EXOC6B: variants seen among roughly 807,000 people sequenced by gnomAD.
EXOC6B encodes exocyst complex component 6B.
EXOC6B carries 54 observed loss-of-function variants against 113.5 expected under a neutral mutation model. The ratio of observed to expected loss-of-function variants is 0.48; its 90% CI spans 0.38 to 0.60. The LOEUF (loss-of-function observed/expected upper bound fraction) is 0.60, where lower values mean the gene tolerates loss of function less well. Among genes scored for constraint, EXOC6B ranks in the 20% least tolerant of loss-of-function variants. The pLI is 0.00. For synonymous variants in EXOC6B, 357 were observed against 339.0 expected (o/e 1.05, Z -0.58); for missense variants, 797 against 977.5 (o/e 0.82, Z 2.46).
chr2:72,783,187 T>G (rs967563383), intron 1 of EXOC6B, among the ~76,000 whole-genome samples: 2 of 76,978 alleles, frequency 2.6e-5, no homozygotes, highest in Non-Finnish European at 4.7e-5. Flanking sequence ...TTTGTTGGGG[T>G]TTTTTTTTTT....
intron 20 of EXOC6B, among the ~76,000 whole-genome samples, chr2:72,221,036 T>C (rs538093475): frequency 2.0e-5 from 3 of 152,328 alleles, no homozygotes; most frequent in South Asian, 4.1e-4. Flanking sequence ...CTGTAAACCA[T>C]AGTCACTCTA....
chr2:72,477,313 C>T (rs1481148541), intron 17 of EXOC6B, among the ~76,000 whole-genome samples: 1 of 152,188 alleles, frequency 6.6e-6, no homozygotes, highest in Non-Finnish European at 1.5e-5. Context: ...TCTCAGTAAA[C>T]AGTATTCATC....
chr2:72,224,165 T>C (rs1370630268), intron 20 of EXOC6B, among the ~76,000 whole-genome samples: 1 of 152,104 alleles, frequency 6.6e-6, no homozygotes, highest in Non-Finnish European at 1.5e-5. Context: ...ATCAGGGAAA[T>C]AGGCAACAAA....
At chr2:72,707,714 T>C (rs1558937197) in intron 6 of EXOC6B, among the ~76,000 whole-genome samples, 3 of 152,070 alleles carry the variant, frequency 2.0e-5, no homozygotes, top group African/African-American at 7.2e-5. Flanking sequence ...ACCCAGCCTA[T>C]TTTTCATTTT....
chr2:72,644,013 T>C (rs893714623), intron 6 of EXOC6B, among the ~76,000 whole-genome samples: 1 of 152,012 alleles, frequency 6.6e-6, no homozygotes, highest in African/African-American at 2.4e-5. Flanking sequence ...TAAAGAAGGA[T>C]GTTCAAACCC....
chr2:72,568,136 T>C (rs1283769667), intron 7 of EXOC6B, among the ~76,000 whole-genome samples: 2 of 151,986 alleles, frequency 1.3e-5, no homozygotes, highest in Non-Finnish European at 2.9e-5. Context: ...TAATATTACC[T>C]TTGTAATATT....
chr2:72,261,682 G>A (rs1019332161), intron 20 of EXOC6B, among the ~76,000 whole-genome samples: 12 of 152,040 alleles, frequency 7.9e-5, no homozygotes, highest in Non-Finnish European at 1.3e-4. Flanking sequence ...AGTTAGCAAC[G>A]CAAAAGTAAG....
At chr2:72,774,177 A>G (rs1465790428) in intron 1 of EXOC6B, among the ~76,000 whole-genome samples, 1 of 152,226 alleles carries the variant, frequency 6.6e-6, no homozygotes, top group Non-Finnish European at 1.5e-5. Flanking sequence ...ATTATCACCC[A>G]GTCTTACAAG....
chr2:72,364,855 T>C (rs546152553), intron 19 of EXOC6B, among the ~76,000 whole-genome samples: 2 of 152,262 alleles, frequency 1.3e-5, no homozygotes, highest in African/African-American at 2.4e-5. Context: ...ACCAGTGGTA[T>C]TGGTTGATTG....
At chr2:72,268,579 TG>T (rs1261649088) in intron 20 of EXOC6B, among the ~76,000 whole-genome samples, 2 of 152,190 alleles carry the variant, frequency 1.3e-5, no homozygotes, top group African/African-American at 4.8e-5. Flanking sequence ...TGATATCGTT[TG>T]GATGTGTATC....
At chr2:72,618,527 C>T (rs943847975) in intron 6 of EXOC6B, among the ~76,000 whole-genome samples, 3 of 152,124 alleles carry the variant, frequency 2.0e-5, no homozygotes, top group Non-Finnish European at 4.4e-5. Flanking sequence ...CCCAAGATTT[C>T]CCTTCTTGAG....
chr2:72,361,525 G>A (rs917059188), intron 19 of EXOC6B, among the ~76,000 whole-genome samples: 5 of 152,304 alleles, frequency 3.3e-5, no homozygotes, highest in Non-Finnish European at 5.9e-5. Context: ...ACCAAAGGTG[G>A]ATAATTAATT....
intron 6 of EXOC6B, among the ~76,000 whole-genome samples, chr2:72,705,157 T>G (rs1452668906): frequency 6.6e-6 from 1 of 151,858 alleles, no homozygotes; most frequent in Non-Finnish European, 1.5e-5. Context: ...ATCCCTGGGA[T>G]GCAAGGCTGG....
chr2:72,277,954 T>C (rs1012290640), intron 20 of EXOC6B, among the ~76,000 whole-genome samples: 2 of 152,150 alleles, frequency 1.3e-5, no homozygotes, highest in Non-Finnish European at 2.9e-5. Flanking sequence ...GCAATATATA[T>C]GTATGAAATA....
intron 15 of EXOC6B, among the ~76,000 whole-genome samples, chr2:72,493,344 C>T (rs1699860204): frequency 1.6e-5 from 2 of 128,474 alleles, no homozygotes; most frequent in South Asian, 4.6e-4. Flanking sequence ...CGCATTTTTA[C>T]ATAGGAAGCA....
chr2:72,535,205 T>C (rs534317115), intron 8 of EXOC6B, among the ~76,000 whole-genome samples: 3 of 152,332 alleles, frequency 2.0e-5, no homozygotes, highest in African/African-American at 7.2e-5. Context: ...AAGGAATCCC[T>C]AGATGTACCT....
chr2:72,825,029 G>C lies in EXOC6B; in HGVS notation c.113+769C>G, dbSNP rs990904223. ...TTTGTAGCTTAAATAAGTTGCATTT[G>C]TAAATCACTTTATACAACGTCTTGG... is the stretch of plus-strand genomic sequence containing the variant. On this transcript the variant is annotated intron_variant, in intron 1 of 21. Coordinates refer to ENST00000272427, the MANE Select transcript of EXOC6B (RefSeq NM_015189.3). This position sits in a 1 kb window ranked among gnomAD's most constrained non-coding sequence, Gnocchi z 4.4. 6.6e-6 allele frequency among the ~76,000 whole-genome samples: 1 copy of C among 152,154 alleles called. No homozygotes were observed.
In EXOC6B at chr2:72,202,704, A is replaced by G. The variant is rs1213052912; in HGVS notation, c.2197-18517T>C. Among the ~76,000 whole-genome samples the G allele has an allele frequency of 2.0e-5, 3 of 152,232 alleles. No individual in the cohort carries two copies. In the South Asian group the frequency reaches 6.2e-4, roughly 31 times the overall value. On this transcript the variant is annotated intron_variant, in intron 20 of 21. Transcript: ENST00000272427. Reference sequence around the variant, plus strand: ...ACAAGAAAATCATTCAGAAGTAGATACTAAGGTGACACTGAAAAATCACCT... The same window carrying G: ...ACAAGAAAATCATTCAGAAGTAGATGCTAAGGTGACACTGAAAAATCACCT...
chr2:72,311,184 C>T (rs1687165536), intron 20 of EXOC6B, among the ~76,000 whole-genome samples: 1 of 152,148 alleles, frequency 6.6e-6, no homozygotes, highest in Non-Finnish European at 1.5e-5. Context: ...TTTATTACCT[C>T]ATAGTTCTGC....
Sources: allele counts gnomAD v4.1 joint callset (sites outside exome capture counted in the v4.1 genomes callset), GRCh38; gene constraint gnomAD v4.1.1; non-coding constraint Gnocchi (gnomAD v3.1); transcripts MANE v1.5; gene names NCBI Gene and HGNC (gene_info 2026-07-23, HGNC 2026-07-21).